Variants in SLC35D4 observed in about 807,000 individuals in gnomAD.
SLC35D4 encodes the protein UDP-N-acetylglucosamine transporter SLC35D4.
the SLC35D4 span, among the ~76,000 whole-genome samples, chr18:23,289,591 C>T: frequency 2.0e-5 from 3 of 152,110 alleles, no homozygotes; most frequent in Non-Finnish European, 2.9e-5. Flanking sequence ...AAATTTTCAC[C>T]ATCTCAACAC....
chr18:23,274,077 G>A, the SLC35D4 span, among the ~76,000 whole-genome samples: 5 of 152,166 alleles, frequency 3.3e-5, no homozygotes, highest in South Asian at 1.0e-3. Context: ...GGACTACACA[G>A]GTGCACGCCA....
the SLC35D4 span, among the ~76,000 whole-genome samples, chr18:23,428,395 A>G: frequency 6.6e-6 from 1 of 152,220 alleles, no homozygotes; most frequent in Non-Finnish European, 1.5e-5. Context: ...TTTGAGTACA[A>G]TATTATAGAA....
At chr18:23,358,614 C>G in the SLC35D4 span, among the ~76,000 whole-genome samples, 1 of 152,214 alleles carries the variant, frequency 6.6e-6, no homozygotes, top group Non-Finnish European at 1.5e-5. Context: ...TGACTTCACA[C>G]CTGTCCCTCC....
the SLC35D4 span, among the ~76,000 whole-genome samples, chr18:23,328,694 GA>G: frequency 6.6e-6 from 1 of 151,946 alleles, no homozygotes; most frequent in African/African-American, 2.4e-5. Flanking sequence ...CACAGAATTG[GA>G]AAAAAACTAC....
chr18:23,312,237 G>A, the SLC35D4 span, among the ~76,000 whole-genome samples: 2 of 152,056 alleles, frequency 1.3e-5, no homozygotes, highest in Admixed American at 6.6e-5. Flanking sequence ...CTGCTCCTCC[G>A]TGAGCCTCTT....
the SLC35D4 span, chr18:23,385,200 G>A: frequency 1.3e-6 from 1 of 743,944 alleles, no homozygotes; most frequent in Non-Finnish European, 2.2e-6. Context: ...CTCCAGCAAA[G>A]ACTTCTACAT....
the SLC35D4 span, among the ~76,000 whole-genome samples, chr18:23,361,748 C>T: frequency 6.6e-6 from 1 of 152,170 alleles, no homozygotes; most frequent in South Asian, 2.1e-4. Context: ...CACTCTTTTT[C>T]AAAAATTATG....
At chr18:23,250,252 G>C in the SLC35D4 span, among the ~76,000 whole-genome samples, 1 of 152,230 alleles carries the variant, frequency 6.6e-6, no homozygotes, top group Non-Finnish European at 1.5e-5. Context: ...CTTTACTTGA[G>C]CCTGCTCACA....
the SLC35D4 span, among the ~76,000 whole-genome samples, chr18:23,248,934 C>A: frequency 6.6e-6 from 1 of 152,264 alleles, no homozygotes; most frequent in Non-Finnish European, 1.5e-5. Context: ...CCACAAGCCA[C>A]ACTGTAGAAC....
the SLC35D4 span, among the ~76,000 whole-genome samples, chr18:23,319,046 G>A: frequency 1.3e-5 from 2 of 151,868 alleles, no homozygotes; most frequent in African/African-American, 4.8e-5. Flanking sequence ...GTTTCATCAT[G>A]TTGGCCAGGC....
At chr18:23,337,534 T>TA in the SLC35D4 span, among the ~76,000 whole-genome samples, 975 of 151,648 alleles carry the variant, frequency 6.4e-3, 9 homozygotes, top group African/African-American at 0.022. Flanking sequence ...TATTCCACGT[T>TA]AAAAAAAAAT....
chr18:23,298,790 G>C, the SLC35D4 span, among the ~76,000 whole-genome samples: 1 of 152,200 alleles, frequency 6.6e-6, no homozygotes, highest in Non-Finnish European at 1.5e-5. Flanking sequence ...TATGGTGGTA[G>C]GTCTCTGATG....
At chr18:23,414,748 G>A in the SLC35D4 span, among the ~76,000 whole-genome samples, 2 of 151,962 alleles carry the variant, frequency 1.3e-5, no homozygotes, top group Non-Finnish European at 2.9e-5. Flanking sequence ...GAAACAGATG[G>A]GAGGATCACC....
the SLC35D4 span, among the ~76,000 whole-genome samples, chr18:23,344,846 C>T: frequency 9.7e-4 from 148 of 152,270 alleles, no homozygotes; most frequent in African/African-American, 3.3e-3. Flanking sequence ...ATGATCCGCC[C>T]GCCTTGGCCT....
At chr18:23,253,015 C>A in the SLC35D4 span, 3 of 1,613,738 alleles carry the variant, frequency 1.9e-6, no homozygotes, top group Non-Finnish European at 2.5e-6. Flanking sequence ...ATGAACGAGA[C>A]CTTCAAGGAG....
At chr18:23,363,364 ATTTTTTTTTTTTTT>A in the SLC35D4 span, among the ~76,000 whole-genome samples, 278 of 90,468 alleles carry the variant, frequency 3.1e-3, 5 homozygotes, top group African/African-American at 0.012. Flanking sequence ...ACAAAAGCAC[ATTTTTTTTTTTTTT>A]TTTTTTTTTT....
chr18:23,304,234 G>A, the SLC35D4 span, among the ~76,000 whole-genome samples: 71 of 145,428 alleles, frequency 4.9e-4, no homozygotes, highest in African/African-American at 1.7e-3. Flanking sequence ...CCGAGATTGC[G>A]CCACTGCACT....
chr18:23,258,359 G>C, the SLC35D4 span: 1 of 152,456 alleles, frequency 6.6e-6, no homozygotes, highest in Admixed American at 6.5e-5. Flanking sequence ...CAGAATAGGA[G>C]CACGACGCAT....
chr18:23,291,353 C>A, the SLC35D4 span, among the ~76,000 whole-genome samples: 3 of 152,186 alleles, frequency 2.0e-5, no homozygotes, highest in African/African-American at 7.2e-5. Context: ...GACGGTGGGC[C>A]TCAGCTCTAT....
Sources: allele counts gnomAD v4.1 joint callset (sites outside exome capture counted in the v4.1 genomes callset), GRCh38; gene constraint gnomAD v4.1.1; transcripts MANE v1.5; gene names NCBI Gene and HGNC (gene_info 2026-07-23, HGNC 2026-07-21).